Variants in SOBP observed in about 807,000 individuals in gnomAD.
The protein encoded by SOBP is sine oculis-binding protein homolog.
Under a neutral mutation model 53.6 loss-of-function variants are expected in SOBP, and 4 were observed. The observed-to-expected ratio is 0.07, with a 90% CI of 0.04 to 0.17. The LOEUF (loss-of-function observed/expected upper bound fraction) is 0.17. SOBP is among the 10% of genes least tolerant of loss of function. The pLI is 1.00. For missense variants in SOBP, 1,088 were observed against 1,204.7 expected (o/e 0.90, Z 1.43); for synonymous variants, 584 against 522.6 (o/e 1.12, Z -1.60).
intron 4 of SOBP, among the ~76,000 whole-genome samples, chr6:107,580,607 G>C (rs1785372069): frequency 6.6e-6 from 1 of 152,170 alleles, no homozygotes; most frequent in Non-Finnish European, 1.5e-5. Context: ...TCAGAAACAG[G>C]GAACAAGGTG....
At chr6:107,505,570 G>T (rs1030223808) in intron 2 of SOBP, among the ~76,000 whole-genome samples, 2 of 150,596 alleles carry the variant, frequency 1.3e-5, no homozygotes, top group Non-Finnish European at 3.0e-5. Context: ...TGATTTGCCC[G>T]CCTTGGCTAC....
intron 1 of SOBP, among the ~76,000 whole-genome samples, chr6:107,503,272 T>G (rs1782890797): frequency 6.6e-6 from 1 of 152,214 alleles, no homozygotes; most frequent in African/African-American, 2.4e-5. Context: ...CACAAAAGGT[T>G]GTTTTCATTT....
chr6:107,521,643 T>C (rs1185629690), intron 3 of SOBP, among the ~76,000 whole-genome samples: 2 of 152,202 alleles, frequency 1.3e-5, no homozygotes, highest in African/African-American at 2.4e-5. Flanking sequence ...TTAGCTATTA[T>C]GAATAAATGC....
At chr6:107,565,522 G>A (rs369211929) in intron 4 of SOBP, among the ~76,000 whole-genome samples, 5 of 151,838 alleles carry the variant, frequency 3.3e-5, no homozygotes, top group South Asian at 2.1e-4. Flanking sequence ...GGGGGTGGGC[G>A]GAGAGAGAAA....
chr6:107,556,745 G>A (rs1784622181), intron 4 of SOBP, among the ~76,000 whole-genome samples: 1 of 152,170 alleles, frequency 6.6e-6, no homozygotes. Flanking sequence ...GCTTGGGCAG[G>A]TCTTTCAGCC....
intron 3 of SOBP, among the ~76,000 whole-genome samples, chr6:107,519,541 C>T (rs993308322): frequency 6.6e-6 from 1 of 152,156 alleles, no homozygotes; most frequent in African/African-American, 2.4e-5. Flanking sequence ...TCTCTCGCTT[C>T]CTGCTCTGGG....
At chr6:107,610,887 G>A (rs1270081044) in intron 5 of SOBP, among the ~76,000 whole-genome samples, 2 of 152,158 alleles carry the variant, frequency 1.3e-5, no homozygotes, top group Non-Finnish European at 2.9e-5. Flanking sequence ...TTGAACATTT[G>A]TTCCACTGGT....
intron 3 of SOBP, among the ~76,000 whole-genome samples, chr6:107,520,185 A>T (rs1783440237): frequency 6.6e-6 from 1 of 152,226 alleles, no homozygotes; most frequent in African/African-American, 2.4e-5. Flanking sequence ...AGTGGTGGCT[A>T]CACAGAAGGA....
intron 5 of SOBP, among the ~76,000 whole-genome samples, chr6:107,592,359 A>G (rs2115067489): frequency 6.6e-6 from 1 of 152,332 alleles, no homozygotes; most frequent in South Asian, 2.1e-4. Flanking sequence ...GCTGCCATAT[A>G]TTAGCCATTG....
chr6:107,618,028 C>CAT (rs1786861099), intron 5 of SOBP, among the ~76,000 whole-genome samples: 1 of 151,968 alleles, frequency 6.6e-6, no homozygotes, highest in East Asian at 1.9e-4. Context: ...GGGGTTTCAC[C>CAT]ATATAGGCCA....
intron 5 of SOBP, among the ~76,000 whole-genome samples, chr6:107,595,907 C>A (rs1354243199): frequency 6.6e-6 from 1 of 152,150 alleles, no homozygotes; most frequent in African/African-American, 2.4e-5. Context: ...TTCAGGAAAA[C>A]AAGATTCTTC....
At chr6:107,554,433 T>C (rs949963771) in intron 4 of SOBP, among the ~76,000 whole-genome samples, 10 of 152,214 alleles carry the variant, frequency 6.6e-5, no homozygotes, top group Admixed American at 5.2e-4. Flanking sequence ...GCTGCCTGGA[T>C]GCCCTGTCAG....
rs2114927057 is a variant in SOBP at position 107,490,721 on chromosome 6, T to G, written c.96+9T>G. 1.3e-6 allele frequency: 2 copies of G among 1,577,666 alleles called. No homozygotes were observed. The highest frequency in any genetic ancestry group is 1.7e-6 in the Non-Finnish European group (2 of 1,156,582). On this transcript the variant is annotated intron_variant, in intron 1 of 6. Coordinates refer to ENST00000317357, the MANE Select transcript of SOBP (RefSeq NM_018013.4). ...TCAATGAGGAGATGAAGGTATTTTT[T>G]GATCTCGGGGGCCAGGGAGACTGAG...
chr6:107,650,257 C>G lies in SOBP; in HGVS notation c.*4-7950C>G, dbSNP rs115465653. ...ATGAAGCTGCGATTCAGACCAGAGC[C>G]TAACACTGAGCTAAGATGAAACTCA... On this transcript the variant is annotated intron_variant, in intron 6 of 6. Coordinates refer to ENST00000317357, the MANE Select transcript of SOBP (RefSeq NM_018013.4). Among the ~76,000 whole-genome samples, 962 of 152,308 alleles carry G rather than the reference C, an allele frequency of 6.3e-3. 12 individuals carry two copies. The highest frequency in any genetic ancestry group is 0.022 in the African/African-American group (926 of 41,546).
chr6:107,630,409 G>A (rs1770655289), intron 5 of SOBP, among the ~76,000 whole-genome samples: 1 of 152,072 alleles, frequency 6.6e-6, no homozygotes, highest in African/African-American at 2.4e-5. Flanking sequence ...AGAGGGATAT[G>A]GTATATATTT....
intron 6 of SOBP, among the ~76,000 whole-genome samples, chr6:107,645,136 G>A (rs1407451505): frequency 1.3e-5 from 2 of 152,118 alleles, no homozygotes; most frequent in Non-Finnish European, 2.9e-5. Flanking sequence ...CTTGTCCTTT[G>A]TCTTAGCTCT....
At position 107,634,530 on chromosome 6, in the gene SOBP, C is replaced by A; in HGVS notation, c.1686C>A (p.Phe562Leu). The change falls in exon 6 of 7, where the codon TTC becomes TTA. Residue 562 changes from phenylalanine (F) to leucine (L), a missense_variant. This residue lies in a region of SOBP where 665 missense variants were observed against 629.7 expected (regional missense o/e 1.06). Coordinates refer to ENST00000317357, the MANE Select transcript of SOBP (RefSeq NM_018013.4). The surrounding 1 kb of genome is among the most constrained non-coding windows in gnomAD (Gnocchi z 4.5). ...PNGFSSNGEN[F>L]IPNAPGDSAA... ...GGTTCTCCAGCAACGGGGAGAACTTCATTCCGAACGCCCCTGGCGACTCCG... is the reference window on the plus strand; with the variant it reads ...GGTTCTCCAGCAACGGGGAGAACTTAATTCCGAACGCCCCTGGCGACTCCG... 1 of 1,610,680 alleles carries A rather than the reference C, an allele frequency of 6.2e-7. No homozygotes were observed. Among genetic ancestry groups the A allele is most frequent in the South Asian group, 1.1e-5 (1 of 91,082 alleles).
intron 4 of SOBP, among the ~76,000 whole-genome samples, chr6:107,551,839 G>A (rs939265504): frequency 6.6e-6 from 1 of 152,140 alleles, no homozygotes; most frequent in Non-Finnish European, 1.5e-5. Flanking sequence ...TCAACAACAT[G>A]GTGAAACCTC....
intron 5 of SOBP, among the ~76,000 whole-genome samples, chr6:107,627,032 G>A (rs915204985): frequency 6.6e-6 from 1 of 152,188 alleles, no homozygotes; most frequent in East Asian, 1.9e-4. Context: ...CAAAGAGGCA[G>A]GCATTTGGTA....
Sources: gnomAD v4.1 joint callset for allele counts (sites outside exome capture counted in the v4.1 genomes callset) on GRCh38, gnomAD v4.1.1 for gene constraint, gnomAD v4.1.1 regional missense constraint, Gnocchi (gnomAD v3.1) non-coding constraint, MANE v1.5 for transcripts, NCBI Gene and HGNC (gene_info 2026-07-23, HGNC 2026-07-21) for gene names.